The following FRY variants were observed in gnomAD, a reference collection of about 807,000 sequenced individuals.
The protein encoded by FRY is FRY microtubule binding protein.
A neutral mutation model predicts 348.4 loss-of-function variants in FRY; 128 were observed. The ratio of observed to expected loss-of-function variants is 0.37; its 90% CI spans 0.32 to 0.43. FRY has a LOEUF of 0.43. FRY is among the 20% of genes least tolerant of loss of function. The pLI is 1.00. For synonymous variants in FRY, 1,370 were observed against 1,374.7 expected, an observed-to-expected ratio of 1.00 and a Z score of 0.08; for missense variants, 2,736 against 3,695.2, an observed-to-expected ratio of 0.74 and a Z score of 6.73.
intron 2 of FRY, among the ~76,000 whole-genome samples, chr13:32,101,052 C>T (rs1877133361): frequency 6.6e-6 from 1 of 152,154 alleles, no homozygotes; most frequent in Non-Finnish European, 1.5e-5. Context: ...CAGTAGCTCT[C>T]CAGAACTTAT....
At chr13:32,059,595 G>A (rs1319708946) in intron 1 of FRY, among the ~76,000 whole-genome samples, 1 of 151,480 alleles carries the variant, frequency 6.6e-6, no homozygotes, top group Non-Finnish European at 1.5e-5. Flanking sequence ...GTTACATGGT[G>A]ATATTGTGTA....
At chr13:32,287,276 T>C (rs572696009) in intron 58 of FRY, among the ~76,000 whole-genome samples, 1 of 152,330 alleles carries the variant, frequency 6.6e-6, no homozygotes, top group African/African-American at 2.4e-5. Context: ...ATACAATGTT[T>C]AGTCCTTTGA....
chr13:32,247,286 A>T, intron 47 of FRY, 37 bp from the exon 48 acceptor site: 1 of 1,550,660 alleles, frequency 6.4e-7, no homozygotes, highest in Non-Finnish European at 8.9e-7. Context: ...AAAAAAATTA[A>T]ATTATTTTTA....
Position 32,240,854 on chromosome 13 carries a change from A to C in FRY, c.6687+973A>C, listed in dbSNP as rs548518091. Among the ~76,000 whole-genome samples, 9 of 152,328 alleles carry C rather than the reference A, an allele frequency of 5.9e-5. No individual in the cohort carries two copies. The South Asian group carries it at 1.9e-3, about 32-fold the overall frequency. The stretch of plus-strand genomic sequence containing the variant: ...AATCCAGATGCCAGATAGGTTAAAA[A>C]TCAGCCATTTTCTCAAAGGCTCCAC... On this transcript the variant is annotated intron_variant, in intron 46 of 60. Transcript: ENST00000542859.
chr13:32,074,889 G>C (rs1874932318), intron 1 of FRY, among the ~76,000 whole-genome samples: 1 of 152,158 alleles, frequency 6.6e-6, no homozygotes, highest in African/African-American at 2.4e-5. Flanking sequence ...TGGCAGGCAG[G>C]GCCCAGACCA....
chr13:32,244,261 C>G (rs1473044193), intron 47 of FRY, 79 bp downstream of exon 47: 1 of 1,313,234 alleles, frequency 7.6e-7, no homozygotes, highest in Admixed American at 1.7e-5. Context: ...GGCTACAAAA[C>G]CATCTGGGTG....
chr13:32,047,773 A>G (rs1041666307), intron 1 of FRY, among the ~76,000 whole-genome samples: 28 of 152,036 alleles, frequency 1.8e-4, no homozygotes, highest in Non-Finnish European at 4.4e-5. Context: ...GGATTTCACC[A>G]TGTTAGCCAG....
intron 1 of FRY, among the ~76,000 whole-genome samples, chr13:32,053,905 G>T (rs911253506): frequency 6.6e-6 from 1 of 152,100 alleles, no homozygotes; most frequent in East Asian, 1.9e-4. Context: ...AAGGAGAATC[G>T]CTTGAACCCA....
chr13:32,229,749 G>A (rs979689838), intron 40 of FRY, among the ~76,000 whole-genome samples: 2 of 152,148 alleles, frequency 1.3e-5, no homozygotes, highest in African/African-American at 4.8e-5. Context: ...TTGATTGTAC[G>A]GTATTTGCAG....
intron 58 of FRY, chr13:32,287,852 A>T (rs1458402520): frequency 7.4e-7 from 1 of 1,349,810 alleles, no homozygotes; most frequent in Non-Finnish European, 9.9e-7. Context: ...TTCCTGTGCC[A>T]TGCTTGCTGT....
chr13:32,200,422 C>T (rs540068264), intron 29 of FRY, among the ~76,000 whole-genome samples: 18 of 152,220 alleles, frequency 1.2e-4, no homozygotes, highest in African/African-American at 4.1e-4. Context: ...ACATATAAAC[C>T]GTTTAATAGT....
In FRY at chr13:32,173,474, G is replaced by C. The variant is rs753455056; in HGVS notation, c.2259G>C (p.Gln753His). ...GFALVLLCSFQVATRKLSVLI... is the reference protein window; with the variant it reads ...GFALVLLCSFHVATRKLSVLI... ...CTCTGGTTTTACTCTGCAGTTTCCA[G>C]GTGGCCACACGCAAACTGTCCGTTT... Residue 753 changes from glutamine to histidine, a missense_variant, in exon 19 of 61, where the codon CAG (glutamine) becomes CAC (histidine). Gln to His is a conservative substitution (Grantham distance 24). Transcript: ENST00000542859. The C allele has an allele frequency of 4.3e-6, 7 of 1,613,400 alleles. No homozygotes were observed. Among genetic ancestry groups the C allele is most frequent in the Non-Finnish European group, 5.1e-6 (6 of 1,179,790 alleles).
chr13:32,272,791 A>C (rs1239221145), intron 55 of FRY, among the ~76,000 whole-genome samples: 1 of 152,120 alleles, frequency 6.6e-6, no homozygotes, highest in Non-Finnish European at 1.5e-5. Flanking sequence ...CCTGGAGTGC[A>C]GTAGCGCGAT....
At chr13:32,054,870 G>A (rs998257705) in intron 1 of FRY, among the ~76,000 whole-genome samples, 10 of 151,980 alleles carry the variant, frequency 6.6e-5, no homozygotes, top group East Asian at 1.9e-4. Flanking sequence ...GCGAGACTCC[G>A]TCTCAAAAAT....
intron 17 of FRY, 48 bp downstream of exon 17, chr13:32,161,299 T>C: frequency 9.1e-7 from 1 of 1,102,322 alleles, no homozygotes; most frequent in Non-Finnish European, 1.4e-6. Flanking sequence ...TCCTTTGTTG[T>C]GACTCCTGAA....
chr13:32,054,782 G>A (rs1873532975), intron 1 of FRY, among the ~76,000 whole-genome samples: 2 of 152,200 alleles, frequency 1.3e-5, no homozygotes, highest in Non-Finnish European at 1.5e-5. Context: ...GGCTGAGGCA[G>A]GAGAATGGCA....
In FRY at chr13:32,125,579, G is replaced by C. The variant is rs537615662; in HGVS notation, c.716+704G>C. Reference sequence around the variant, plus strand: ...GAGGTCAGCTTAAAGCAACAGTGATGCTCCAATCCTTGTGAAATGCAATCC... The same window carrying C: ...GAGGTCAGCTTAAAGCAACAGTGATCCTCCAATCCTTGTGAAATGCAATCC... On this transcript the variant is annotated intron_variant, in intron 7 of 60. Coordinates refer to ENST00000542859, the MANE Select transcript of FRY (RefSeq NM_023037.3). 7.2e-5 allele frequency among the ~76,000 whole-genome samples: 11 copies of C among 152,266 alleles called. No individual in the cohort carries two copies. In the South Asian group the frequency reaches 2.3e-3, roughly 32 times the overall value.
intron 5 of FRY, 72 bp downstream of exon 5, chr13:32,124,448 T>C: frequency 1.0e-6 from 1 of 966,316 alleles, no homozygotes; most frequent in South Asian, 1.4e-5. Flanking sequence ...TGTAAAAGTC[T>C]AAGTTTTTAA....
chr13:32,148,257 G>T (rs1051062616), intron 13 of FRY, among the ~76,000 whole-genome samples: 5 of 152,076 alleles, frequency 3.3e-5, no homozygotes, highest in African/African-American at 1.2e-4. Flanking sequence ...TTTTTTTCCT[G>T]TTTCTCTGCT....
Sources: allele counts gnomAD v4.1 joint callset (sites outside exome capture counted in the v4.1 genomes callset), GRCh38; gene constraint gnomAD v4.1.1; transcripts MANE v1.5; gene names NCBI Gene and HGNC (gene_info 2026-07-23, HGNC 2026-07-21).